Variants in RAB3C observed in about 807,000 individuals in gnomAD.
The protein encoded by RAB3C is RAB3C, member RAS oncogene family.
RAB3C carries 17 observed loss-of-function variants against 26.4 expected under a neutral mutation model. The ratio of observed to expected loss-of-function variants is 0.64; its 90% confidence interval spans 0.44 to 0.97. The LOEUF is 0.97. Among genes scored for constraint, RAB3C ranks in the 50% least tolerant of loss-of-function variants. RAB3C has a pLI of 0.00. For missense variants in RAB3C, 242 were observed against 281.9 expected (o/e 0.86, Z 1.01); for synonymous variants, 91 against 95.9 (o/e 0.95, Z 0.30).
chr5:58,771,807 T>G (rs2111988937), intron 3 of RAB3C, among the ~76,000 whole-genome samples: 1 of 152,010 alleles, frequency 6.6e-6, no homozygotes, highest in East Asian at 1.9e-4. Context: ...TTTGCAGAAG[T>G]GAAAACATCT....
At chr5:58,677,316 A>C (rs747383948) in intron 2 of RAB3C, among the ~76,000 whole-genome samples, 2 of 152,180 alleles carry the variant, frequency 1.3e-5, no homozygotes, top group Admixed American at 6.5e-5. Flanking sequence ...TGAGCATATA[A>C]ATTTCGGGGA....
intron 3 of RAB3C, among the ~76,000 whole-genome samples, chr5:58,779,329 A>G (rs1440343861): frequency 6.7e-6 from 1 of 148,884 alleles, no homozygotes; most frequent in Non-Finnish European, 1.5e-5. Context: ...AAATATATAC[A>G]TATATAATTT....
At chr5:58,835,833 A>G (rs1466229896) in intron 4 of RAB3C, among the ~76,000 whole-genome samples, 1 of 152,250 alleles carries the variant, frequency 6.6e-6, no homozygotes, top group Non-Finnish European at 1.5e-5. Flanking sequence ...GATTTAATTA[A>G]TCTGCTAAGT....
chr5:58,724,492 C>A (rs541410627), intron 2 of RAB3C, among the ~76,000 whole-genome samples: 4 of 151,690 alleles, frequency 2.6e-5, no homozygotes, highest in Non-Finnish European at 5.9e-5. Context: ...TTTTTCCCCC[C>A]ACAGTGGCTT....
chr5:58,756,536 C>G (rs1579901723), intron 3 of RAB3C, among the ~76,000 whole-genome samples: 1 of 149,588 alleles, frequency 6.7e-6, no homozygotes, highest in African/African-American at 2.5e-5. Context: ...CCTGGCCCCC[C>G]ACCCCCCAAC....
chr5:58,602,480 C>A (rs1342207304), intron 1 of RAB3C, among the ~76,000 whole-genome samples: 6 of 152,080 alleles, frequency 3.9e-5, no homozygotes, highest in Admixed American at 6.5e-5. Context: ...GTGTTGCTAT[C>A]TATCTCATTT....
intron 2 of RAB3C, among the ~76,000 whole-genome samples, chr5:58,673,640 C>T (rs1420709846): frequency 6.6e-6 from 1 of 152,216 alleles, no homozygotes. Flanking sequence ...TCTTTTACCT[C>T]TCAAAATGTC....
intron 3 of RAB3C, among the ~76,000 whole-genome samples, chr5:58,778,125 T>C (rs1305739623): frequency 6.6e-6 from 1 of 152,164 alleles, no homozygotes; most frequent in Non-Finnish European, 1.5e-5. Context: ...CCCATCATTT[T>C]TCTGTACTTC....
chr5:58,796,671 T>TAGAA (rs945176363), intron 3 of RAB3C, among the ~76,000 whole-genome samples: 1 of 152,144 alleles, frequency 6.6e-6, no homozygotes, highest in Non-Finnish European at 1.5e-5. Context: ...GCAAAGAAGA[T>TAGAA]AGAAAGAGTA....
intron 2 of RAB3C, among the ~76,000 whole-genome samples, chr5:58,653,517 T>C (rs896958003): frequency 2.6e-5 from 4 of 152,192 alleles, no homozygotes; most frequent in African/African-American, 9.7e-5. Context: ...ATTGCAGCAG[T>C]ATTCACAATA....
intron 2 of RAB3C, among the ~76,000 whole-genome samples, chr5:58,709,845 A>G (rs1749021757): frequency 6.6e-6 from 1 of 152,220 alleles, no homozygotes; most frequent in Admixed American, 6.5e-5. Flanking sequence ...ACATATCCAA[A>G]AAACAAGTCA....
chr5:58,597,040 TTATATAATA>T (rs1304170269), intron 1 of RAB3C, among the ~76,000 whole-genome samples: 2 of 96,788 alleles, frequency 2.1e-5, no homozygotes, highest in African/African-American at 9.0e-5. Context: ...ATAATATATA[TTATATAATA>T]TATATAATAC....
At chr5:58,810,197 G>T (rs1743036662) in intron 3 of RAB3C, among the ~76,000 whole-genome samples, 1 of 152,130 alleles carries the variant, frequency 6.6e-6, no homozygotes, top group Non-Finnish European at 1.5e-5. Context: ...AAACCAGCTG[G>T]CAAGGCAGCC....
At chr5:58,720,768 T>C (rs1740731392) in intron 2 of RAB3C, among the ~76,000 whole-genome samples, 2 of 151,910 alleles carry the variant, frequency 1.3e-5, no homozygotes, top group Admixed American at 1.3e-4. Flanking sequence ...TTGATCTATT[T>C]TTCTCTGTCT....
chr5:58,775,695 A>G (rs559300973), intron 3 of RAB3C, among the ~76,000 whole-genome samples: 3 of 151,714 alleles, frequency 2.0e-5, no homozygotes, highest in African/African-American at 2.4e-5. Context: ...TGATAACTAA[A>G]TTTTTTTTTA....
chr5:58,815,482 A>G (rs980953370), intron 3 of RAB3C, among the ~76,000 whole-genome samples: 3 of 152,218 alleles, frequency 2.0e-5, no homozygotes, highest in African/African-American at 7.2e-5. Context: ...ATAGCCAGTC[A>G]CACAGATGTC....
At chr5:58,628,805 C>T (rs545241141) in intron 2 of RAB3C, among the ~76,000 whole-genome samples, 1 of 152,186 alleles carries the variant, frequency 6.6e-6, no homozygotes, top group Non-Finnish European at 1.5e-5. Context: ...GAGCACGCTC[C>T]CTGCTGCCTG....
intron 3 of RAB3C, among the ~76,000 whole-genome samples, chr5:58,739,964 A>G (rs1741242505): frequency 6.6e-6 from 1 of 152,236 alleles, no homozygotes; most frequent in Non-Finnish European, 1.5e-5. Flanking sequence ...GCCTGAATGT[A>G]TTTTTAGTTG....
chr5:58,805,038 A>G lies in RAB3C; in HGVS notation c.372-20000A>G, dbSNP rs555125263. 1.6e-4 allele frequency among the ~76,000 whole-genome samples: 24 copies of G among 151,904 alleles called. 3 individuals are homozygous for G. The highest frequency in any genetic ancestry group is 5.1e-4 in the African/African-American group (21 of 41,424). ...AATTTATTTAAGCTTTAATTTATTC[A>G]GATATGTAAATTTTATTTCAGAGCT... On this transcript the variant is annotated intron_variant, in intron 3 of 4. Transcript: ENST00000282878.
Sources: allele counts gnomAD v4.1 joint callset (sites outside exome capture counted in the v4.1 genomes callset), GRCh38; gene constraint gnomAD v4.1.1; transcripts MANE v1.5; gene names NCBI Gene and HGNC (gene_info 2026-07-23, HGNC 2026-07-21).